Variants in IGF2BP2 observed in about 807,000 individuals in gnomAD.
The protein encoded by IGF2BP2 is insulin-like growth factor 2 mRNA-binding protein 2.
Under a neutral mutation model 75.8 loss-of-function variants are expected in IGF2BP2, and 17 were observed. The observed-to-expected ratio is 0.22, with a 90% CI of 0.15 to 0.34. The LOEUF (loss-of-function observed/expected upper bound fraction) is 0.34, where lower values mean the gene tolerates loss of function less well. IGF2BP2 is among the 10% of genes least tolerant of loss of function. The pLI is 1.00. For synonymous variants in IGF2BP2, 288 were observed against 295.6 expected (o/e 0.97, Z 0.26); for missense variants, 516 against 772.4 (o/e 0.67, Z 3.93).
chr3:185,657,253 G>C, intron 12 of IGF2BP2, 33 bp downstream of exon 12: 1 of 1,484,480 alleles, frequency 6.7e-7, no homozygotes, highest in Non-Finnish European at 9.4e-7. Context: ...GGAGGTGGTA[G>C]AAGGGCCACA....
chr3:185,649,614 G>A, intron 13 of IGF2BP2, 80 bp from the exon 14 acceptor site: 1 of 1,574,140 alleles, frequency 6.4e-7, no homozygotes, highest in Middle Eastern at 1.7e-4. Context: ...GGGCACTGGA[G>A]AGTCCAGACA....
chr3:185,766,926 C>G (rs1042185824), intron 2 of IGF2BP2, among the ~76,000 whole-genome samples: 1 of 152,204 alleles, frequency 6.6e-6, no homozygotes, highest in Non-Finnish European at 1.5e-5. Flanking sequence ...ACACAGCTGT[C>G]TTCTTGGATG....
chr3:185,799,125 C>A (rs1257999289), intron 2 of IGF2BP2, among the ~76,000 whole-genome samples: 3 of 151,176 alleles, frequency 2.0e-5, no homozygotes, highest in Non-Finnish European at 4.4e-5. Context: ...GCAGGCCGGG[C>A]ACAGTGGCTC....
intron 13 of IGF2BP2, 118 bp from the exon 14 acceptor site, chr3:185,649,652 T>C (rs909208096): frequency 2.5e-5 from 35 of 1,380,128 alleles, no homozygotes; most frequent in Non-Finnish European, 3.4e-5. Context: ...CCACACTCCC[T>C]GGGACACACA....
intron 2 of IGF2BP2, among the ~76,000 whole-genome samples, chr3:185,761,629 G>A (rs1164428110): frequency 6.6e-6 from 1 of 152,152 alleles, no homozygotes; most frequent in Non-Finnish European, 1.5e-5. Flanking sequence ...AGACCTCACA[G>A]GCAGAGGATA....
chr3:185,800,370 T>C (rs573447002), intron 2 of IGF2BP2, among the ~76,000 whole-genome samples: 34 of 152,234 alleles, frequency 2.2e-4, no homozygotes, highest in African/African-American at 7.5e-4. Context: ...ATGGCACATG[T>C]ATACCCATGT....
At chr3:185,713,349 A>T (rs529313487) in intron 2 of IGF2BP2, 10 of 510,120 alleles carry the variant, frequency 2.0e-5, no homozygotes, top group African/African-American at 1.5e-4. Flanking sequence ...TTTTTAAAAT[A>T]ATATGCTTTA....
At chr3:185,718,366 T>A (rs532981091) in intron 2 of IGF2BP2, among the ~76,000 whole-genome samples, 1 of 152,218 alleles carries the variant, frequency 6.6e-6, no homozygotes, top group East Asian at 1.9e-4. Context: ...GGGATGTGGT[T>A]CCAGGGCTAA....
chr3:185,693,343 G>C (rs963538140), intron 4 of IGF2BP2: 1 of 152,200 alleles, frequency 6.6e-6, no homozygotes, highest in Admixed American at 6.5e-5. Flanking sequence ...ATCAAGGTAT[G>C]AGTTTTAATT....
chr3:185,665,415 G>C (rs1425371136), intron 10 of IGF2BP2, among the ~76,000 whole-genome samples: 1 of 139,300 alleles, frequency 7.2e-6, no homozygotes, highest in Non-Finnish European at 1.6e-5. Flanking sequence ...AGGAAAAGGA[G>C]GAGAAGGAGA....
At chr3:185,679,201 C>T (rs1320468636) in intron 7 of IGF2BP2, among the ~76,000 whole-genome samples, 1 of 151,666 alleles carries the variant, frequency 6.6e-6, no homozygotes, top group African/African-American at 2.4e-5. Flanking sequence ...TCCTTTCTTC[C>T]TGTCTTCCTT....
chr3:185,681,529 A>C (rs892097937), intron 7 of IGF2BP2, among the ~76,000 whole-genome samples: 9 of 152,378 alleles, frequency 5.9e-5, no homozygotes, highest in Middle Eastern at 3.4e-3. Flanking sequence ...CTACAGATTC[A>C]ATATGAGCTC....
chr3:185,790,410 A>C (rs547719953), intron 2 of IGF2BP2, among the ~76,000 whole-genome samples: 1 of 152,222 alleles, frequency 6.6e-6, no homozygotes, highest in Non-Finnish European at 1.5e-5. Flanking sequence ...CAGGATATAC[A>C]TAACAAAGAG....
In IGF2BP2 at chr3:185,644,069, C is replaced by CA. The variant is rs1713102481; in HGVS notation, c.*1461dup. The stretch of plus-strand genomic sequence containing the variant: ...AAGACAATTCAGAACAGCTGTTGCA[C>CA]ACTTGGACTGTCACCTTCTCCAGGC... On this transcript the variant is annotated 3_prime_UTR_variant, in exon 16 of 16. Transcript: ENST00000382199. 1 of 152,064 alleles carries CA rather than the reference C, an allele frequency of 6.6e-6. No homozygotes were observed. Among genetic ancestry groups the CA allele is most frequent in the Non-Finnish European group, 1.5e-5 (1 of 67,968 alleles). 9.4% of individuals were successfully genotyped at this position (152,064 alleles called of 1,614,324 possible).
At position 185,745,633 on chromosome 3, in the gene IGF2BP2, C is replaced by T. The variant is rs372831298; in HGVS notation, c.240-47286G>A. Among the ~76,000 whole-genome samples, 7 of 152,310 alleles carry T rather than the reference C, an allele frequency of 4.6e-5. No homozygotes were observed. The East Asian group carries it at 1.3e-3, about 29-fold the overall frequency. ...AGTCCAACCGTCTTCTGTCTGTCCT[C>T]TTCCCTCAGCCCCCACAACTCCCAC... is the stretch of plus-strand genomic sequence containing the variant. On this transcript the variant is annotated intron_variant, in intron 2 of 15. Coordinates refer to ENST00000382199, the MANE Select transcript of IGF2BP2 (RefSeq NM_006548.6).
Position 185,646,920 on chromosome 3 carries a change from G to A in IGF2BP2, c.1707+105C>T, listed in dbSNP as rs1032231068. 12 of 816,372 alleles carry A rather than the reference G, an allele frequency of 1.5e-5. No homozygotes were observed. The East Asian group carries it at 1.5e-4, about 10-fold the overall frequency. 50.6% of individuals were successfully genotyped at this position (816,372 alleles called of 1,614,324 possible). A position where few individuals can be genotyped will look rare whatever the true frequency, so the allele number is the denominator to read the frequency against. On this transcript the variant is annotated intron_variant, in intron 15 of 15. Transcript: ENST00000382199. ...AACCAGGGAGAGGTTCCATCTTGGC[G>A]TGGATTGATGCTCAGGGCCTGTGGC...
intron 2 of IGF2BP2, among the ~76,000 whole-genome samples, chr3:185,793,957 CT>C (rs576340143): frequency 0.039 from 4,848 of 125,428 alleles, 161 homozygotes; most frequent in African/African-American, 0.14. Context: ...AAGCAGATTC[CT>C]TTTTTTTTTT....
chr3:185,809,663 A>T (rs980759030), intron 2 of IGF2BP2, among the ~76,000 whole-genome samples: 35 of 152,116 alleles, frequency 2.3e-4, no homozygotes, highest in Admixed American at 5.9e-4. Flanking sequence ...AAGAAAAAAA[A>T]TTTTTTAATA....
chr3:185,764,018 G>A (rs1732729996), intron 2 of IGF2BP2, among the ~76,000 whole-genome samples: 1 of 152,130 alleles, frequency 6.6e-6, no homozygotes, highest in African/African-American at 2.4e-5. Context: ...AAGGATTGTA[G>A]CAGTATTGCC....
Sources: allele counts gnomAD v4.1 joint callset (sites outside exome capture counted in the v4.1 genomes callset), GRCh38; gene constraint gnomAD v4.1.1; transcripts MANE v1.5; gene names NCBI Gene and HGNC (gene_info 2026-07-23, HGNC 2026-07-21).